Variants in RBBP8 observed in about 807,000 individuals in gnomAD.
RBBP8 encodes DNA endonuclease RBBP8.
RBBP8 carries 88 observed loss-of-function variants against 108.3 expected under a neutral mutation model. The observed-to-expected ratio is 0.81, with a 90% CI of 0.68 to 0.97. RBBP8 has a LOEUF of 0.97. Ranked by LOEUF, RBBP8 falls within the 50% of genes least tolerant of loss-of-function variation. The pLI, the probability that RBBP8 is intolerant of heterozygous loss-of-function variation, is 0.00. For synonymous variants in RBBP8, 332 were observed against 348.2 expected (o/e 0.95, Z 0.52); for missense variants, 1,023 against 1,049.0 (o/e 0.98, Z 0.34).
chr18:23,010,976 T>G (rs951120391), intron 16 of RBBP8, among the ~76,000 whole-genome samples: 1 of 152,236 alleles, frequency 6.6e-6, no homozygotes, highest in African/African-American at 2.4e-5. Context: ...AAATGTGATC[T>G]GCATAATCTT....
Position 22,997,678 on chromosome 18 carries a change from G to A in RBBP8, c.2087G>A (p.Ser696Asn). ...GTGGACATGGACTGTACATTGGTTA[G>A]TGAAACCGTTCTCTTAAAAATGAAG... ...ETVDMDCTLV[S>N]ETVLLKMKKQ... The change falls in exon 14 of 19, where the codon AGT becomes AAT. Residue 696 changes from serine to asparagine, a missense_variant. Physicochemically the swap from Ser to Asn is conservative, Grantham distance 46. Coordinates refer to ENST00000327155, the MANE Select transcript of RBBP8 (RefSeq NM_002894.3). The A allele has an allele frequency of 6.2e-7, 1 of 1,610,772 alleles. No homozygotes were observed. Among genetic ancestry groups the A allele is most frequent in the Non-Finnish European group, 8.5e-7 (1 of 1,178,010 alleles).
At chr18:22,936,449 G>T (rs1157900860) in intron 1 of RBBP8, among the ~76,000 whole-genome samples, 3 of 152,086 alleles carry the variant, frequency 2.0e-5, no homozygotes, top group African/African-American at 7.2e-5. Flanking sequence ...GACCATGAAT[G>T]ATAAAAACCC....
At chr18:23,002,322 G>C (rs527661942) in intron 15 of RBBP8, among the ~76,000 whole-genome samples, 1 of 152,086 alleles carries the variant, frequency 6.6e-6, no homozygotes, top group Non-Finnish European at 1.5e-5. Flanking sequence ...CGAGAAGATC[G>C]CTTGAACACC....
At chr18:23,023,675 C>T (rs1358060188) in intron 18 of RBBP8, among the ~76,000 whole-genome samples, 1 of 152,036 alleles carries the variant, frequency 6.6e-6, no homozygotes, top group African/African-American at 2.4e-5. Flanking sequence ...CTATTCCAGG[C>T]ATATAGTAAT....
At chr18:22,926,154 G>A (rs1031145461) in intron 3 of RBBP8, among the ~76,000 whole-genome samples, 3 of 152,174 alleles carry the variant, frequency 2.0e-5, no homozygotes, top group Non-Finnish European at 2.9e-5. Context: ...TGGCTGCGGT[G>A]GCTCACACCT....
upstream of RBBP8, chr18:22,929,524 G>A (rs1161087761): frequency 4.4e-5 from 1 of 22,614 alleles, no homozygotes; most frequent in Non-Finnish European, 1.1e-4. Context: ...AGACAGGCGG[G>A]TGTGTGTGTG....
At chr18:22,965,324 A>C (rs1448233181) in intron 4 of RBBP8, among the ~76,000 whole-genome samples, 1 of 152,108 alleles carries the variant, frequency 6.6e-6, no homozygotes, top group African/African-American at 2.4e-5. Flanking sequence ...GGAAGCTCTG[A>C]GTGCATGGGT....
intron 17 of RBBP8, among the ~76,000 whole-genome samples, chr18:23,021,884 A>G (rs1200890873): frequency 6.6e-6 from 1 of 151,748 alleles, no homozygotes; most frequent in African/African-American, 2.4e-5. Flanking sequence ...TTACATTGTG[A>G]TACAAGCTCC....
At chr18:23,005,034 C>T (rs1179210156) in intron 15 of RBBP8, among the ~76,000 whole-genome samples, 5 of 151,900 alleles carry the variant, frequency 3.3e-5, no homozygotes, top group Non-Finnish European at 5.9e-5. Context: ...TGGTGGCGTG[C>T]GCCTAGTAGT....
intron 14 of RBBP8, 40 bp downstream of exon 14, chr18:22,997,774 T>C (rs1457593644): frequency 7.4e-7 from 1 of 1,360,404 alleles, no homozygotes; most frequent in South Asian, 1.2e-5. Flanking sequence ...TTTAATAACG[T>C]TGTGTGAAGT....
At chr18:22,967,095 A>G (rs1049938739) in intron 4 of RBBP8, among the ~76,000 whole-genome samples, 7 of 152,090 alleles carry the variant, frequency 4.6e-5, no homozygotes, top group African/African-American at 1.7e-4. Flanking sequence ...GGCCAGGTGC[A>G]GCGGCTCACG....
intron 2 of RBBP8, among the ~76,000 whole-genome samples, chr18:22,942,637 T>A (rs1331361869): frequency 6.6e-6 from 1 of 152,118 alleles, no homozygotes; most frequent in Non-Finnish European, 1.5e-5. Context: ...GTGTCACAGA[T>A]TGTTACTGAT....
At chr18:22,967,687 C>T (rs1913732625) in intron 4 of RBBP8, among the ~76,000 whole-genome samples, 1 of 148,494 alleles carries the variant, frequency 6.7e-6, no homozygotes. Context: ...CGCTTTGTCA[C>T]CCAGGCTGGA....
intron 4 of RBBP8, among the ~76,000 whole-genome samples, chr18:22,958,138 A>C (rs573951225): frequency 6.6e-5 from 10 of 152,328 alleles, no homozygotes; most frequent in African/African-American, 2.4e-4. Flanking sequence ...AAATATGGTC[A>C]AGGTTGACAA....
Position 23,006,371 on chromosome 18 carries a change from G to A in RBBP8, c.2296G>A (p.Asp766Asn). ...GCATGTTTTATTTATAGCTCATGGT[G>A]ATAAACAAGACAAAGTCAAGCAGAA... ...TATKKLHTHG[D>N]KQDKVKQKAF... The change falls in exon 16 of 19, where the codon GAT (aspartate) becomes AAT (asparagine). Residue 766 changes from aspartate (D) to asparagine (N), a missense_variant. Coordinates refer to ENST00000327155, the MANE Select transcript of RBBP8 (RefSeq NM_002894.3). 1 of 1,612,708 alleles carries A rather than the reference G, an allele frequency of 6.2e-7. No homozygotes were observed. The highest frequency in any genetic ancestry group is 1.7e-5 in the Admixed American group (1 of 59,984).
At chr18:23,002,524 ATC>A (rs2045965962) in intron 15 of RBBP8, among the ~76,000 whole-genome samples, 1 of 152,352 alleles carries the variant, frequency 6.6e-6, no homozygotes. Context: ...TAGTCTTAAT[ATC>A]TCTTTCATTA....
intron 2 of RBBP8, among the ~76,000 whole-genome samples, chr18:22,943,838 T>C (rs1911306962): frequency 6.6e-6 from 1 of 152,368 alleles, no homozygotes; most frequent in African/African-American, 2.4e-5. Flanking sequence ...TTTTTGTTAA[T>C]GCATAAGGAA....
chr18:22,973,877 G>A (rs1416784570), intron 5 of RBBP8, among the ~76,000 whole-genome samples: 2 of 151,886 alleles, frequency 1.3e-5, no homozygotes, highest in South Asian at 2.1e-4. Flanking sequence ...TGTACTTCTC[G>A]ATTGCCCTTG....
At chr18:22,942,497 A>G (rs1322567177) in intron 2 of RBBP8, among the ~76,000 whole-genome samples, 1 of 152,128 alleles carries the variant, frequency 6.6e-6, no homozygotes, top group African/African-American at 2.4e-5. Context: ...TATGCAAACC[A>G]GACCATTTTT....
Sources: gnomAD v4.1 joint callset for allele counts (sites outside exome capture counted in the v4.1 genomes callset) on GRCh38, gnomAD v4.1.1 for gene constraint, MANE v1.5 for transcripts, NCBI Gene and HGNC (gene_info 2026-07-23, HGNC 2026-07-21) for gene names.